Variants in CADPS observed in about 807,000 individuals in gnomAD.
CADPS encodes the protein calcium dependent secretion activator.
A neutral mutation model predicts 167.3 loss-of-function variants in CADPS; 57 were observed. The observed-to-expected ratio is 0.34, with a 90% CI of 0.28 to 0.42. CADPS has a LOEUF of 0.42. Ranked by LOEUF, CADPS falls within the 20% of genes least tolerant of loss-of-function variation. CADPS has a pLI of 1.00. For missense variants in CADPS, 1,414 were observed against 1,738.1 expected (o/e 0.81, Z 3.32); for synonymous variants, 676 against 635.3 (o/e 1.06, Z -0.96).
At chr3:62,670,245 G>A (rs1280267825) in intron 3 of CADPS, among the ~76,000 whole-genome samples, 1 of 152,098 alleles carries the variant, frequency 6.6e-6, no homozygotes, top group African/African-American at 2.4e-5. Context: ...ATTACTGGAA[G>A]AGACTCTGAT....
Position 62,874,886 on chromosome 3 carries a change from C to A in CADPS, c.144G>T (p.Leu48=). 15 of 1,256,434 alleles carry A rather than the reference C, an allele frequency of 1.2e-5. No homozygotes were observed. Among genetic ancestry groups the A allele is most frequent in the Non-Finnish European group, 1.5e-5 (15 of 996,906 alleles). The allele number at this position is 1,256,434 out of a possible 1,614,324, so 77.8% of individuals were successfully genotyped here. ...TSEGSAGSAG[L]GGGGAGAGAG... is the part of the protein sequence containing the mutation. The stretch of plus-strand genomic sequence containing the variant: ...CTCCGGCGCCGGCGCCGCCGCCCCC[C>A]AGCCCGGCGCTGCCGGCCGAGCCCT... The change falls in exon 1 of 30, where the codon CTG becomes CTT. Residue 48 remains leucine, a synonymous_variant. Transcript: ENST00000383710. The surrounding 1 kb of genome is among the most constrained non-coding windows in gnomAD (Gnocchi z 7.1).
chr3:62,787,151 C>T (rs556068333), intron 1 of CADPS, among the ~76,000 whole-genome samples: 28 of 151,944 alleles, frequency 1.8e-4, no homozygotes, highest in Admixed American at 7.2e-4. Context: ...AAAAATTAGC[C>T]GGGCATGGTT....
chr3:62,626,753 T>C (rs2064165030), intron 6 of CADPS, among the ~76,000 whole-genome samples: 1 of 152,138 alleles, frequency 6.6e-6, no homozygotes, highest in Admixed American at 6.5e-5. Flanking sequence ...ATATTTACAA[T>C]CAGACAGAAC....
At position 62,398,493 on chromosome 3, in the gene CADPS, G is replaced by A. The variant is rs1050363957; in HGVS notation, c.*913C>T. On this transcript the variant is annotated 3_prime_UTR_variant, in exon 30 of 30. Coordinates refer to ENST00000383710, the MANE Select transcript of CADPS (RefSeq NM_003716.4). ...CTGCAGCAAACCCCAGGGTTGTGCA[G>A]TTACAGATCAAAATGCAATGTACAT... 1 of 152,634 alleles carries A rather than the reference G, an allele frequency of 6.6e-6. No individual in the cohort carries two copies. The highest frequency in any genetic ancestry group is 2.4e-5 in the African/African-American group (1 of 41,456). 9.5% of individuals were successfully genotyped at this position (152,634 alleles called of 1,614,324 possible).
At chr3:62,526,060 T>A in intron 13 of CADPS, among the ~76,000 whole-genome samples, 1 of 152,144 alleles carries the variant, frequency 6.6e-6, no homozygotes, top group East Asian at 1.9e-4. Flanking sequence ...CAAGGATGGC[T>A]CTTGAGGTTC....
chr3:62,757,525 C>T (rs989854055), intron 2 of CADPS, among the ~76,000 whole-genome samples: 4 of 152,064 alleles, frequency 2.6e-5, no homozygotes, highest in South Asian at 4.1e-4. Context: ...AAATATGGAG[C>T]GAGACTATGT....
chr3:62,576,519 G>A (rs2082293330), intron 8 of CADPS, among the ~76,000 whole-genome samples: 1 of 151,754 alleles, frequency 6.6e-6, no homozygotes, highest in Non-Finnish European at 1.5e-5. Flanking sequence ...CAGTCCTCAC[G>A]GTGGCTCACA....
At chr3:62,534,285 G>A (rs1056618936) in intron 12 of CADPS, among the ~76,000 whole-genome samples, 2 of 152,186 alleles carry the variant, frequency 1.3e-5, no homozygotes, top group African/African-American at 2.4e-5. Flanking sequence ...GGCAAAAAGA[G>A]AAAGTGACTA....
chr3:62,730,514 G>T (rs2077564797), intron 3 of CADPS, among the ~76,000 whole-genome samples: 1 of 152,084 alleles, frequency 6.6e-6, no homozygotes, highest in African/African-American at 2.4e-5. Flanking sequence ...GGAGTGGCAG[G>T]TACACTGCAG....
At chr3:62,819,447 T>TGTGTGTGTG (rs2094794547) in intron 1 of CADPS, among the ~76,000 whole-genome samples, 1 of 149,346 alleles carries the variant, frequency 6.7e-6, no homozygotes, top group Non-Finnish European at 1.5e-5. Flanking sequence ...TGTGTGTGTA[T>TGTGTGTGTG]TACAGTAAAG....
chr3:62,663,658 A>G (rs1387861724), intron 3 of CADPS, among the ~76,000 whole-genome samples: 1 of 151,394 alleles, frequency 6.6e-6, no homozygotes, highest in Non-Finnish European at 1.5e-5. Context: ...GTGAAATGAT[A>G]TAGCAAATAA....
At chr3:62,862,218 T>C (rs1243631277) in intron 1 of CADPS, among the ~76,000 whole-genome samples, 1 of 112,112 alleles carries the variant, frequency 8.9e-6, no homozygotes, top group African/African-American at 3.7e-5. Context: ...AAAACAGTGG[T>C]TTTTTTTTTT....
chr3:62,699,775 A>AC (rs2081052463), intron 3 of CADPS, among the ~76,000 whole-genome samples: 1 of 151,716 alleles, frequency 6.6e-6, no homozygotes, highest in African/African-American at 2.4e-5. Flanking sequence ...TGCTACGTTG[A>AC]CCAGGCTGAT....
intron 11 of CADPS, among the ~76,000 whole-genome samples, chr3:62,540,873 T>C (rs1359683069): frequency 6.6e-6 from 1 of 152,060 alleles, no homozygotes; most frequent in African/African-American, 2.4e-5. Flanking sequence ...AATTGGTTGA[T>C]TAAAGAAAAA....
chr3:62,728,150 C>T (rs961513120), intron 3 of CADPS, among the ~76,000 whole-genome samples: 6 of 151,416 alleles, frequency 4.0e-5, no homozygotes, highest in East Asian at 2.0e-4. Context: ...AAAGTAATTG[C>T]GGTTTTTGCA....
chr3:62,866,268 G>C (rs1049046491), intron 1 of CADPS, among the ~76,000 whole-genome samples: 2 of 152,062 alleles, frequency 1.3e-5, no homozygotes, highest in African/African-American at 2.4e-5. Flanking sequence ...TTCACTCTGA[G>C]AAGCTTTTAT....
chr3:62,763,589 CCA>C (rs898630665), intron 2 of CADPS, among the ~76,000 whole-genome samples: 1 of 152,028 alleles, frequency 6.6e-6, no homozygotes, highest in African/African-American at 2.4e-5. Flanking sequence ...CAATTGGAAC[CCA>C]GAGTTGGGTA....
intron 18 of CADPS, among the ~76,000 whole-genome samples, chr3:62,495,841 A>G (rs1290589514): frequency 6.6e-6 from 1 of 152,244 alleles, no homozygotes; most frequent in Admixed American, 6.5e-5. Context: ...CACTGCTACC[A>G]TATACCGCAT....
At chr3:62,405,457 A>AT (rs1260643174) in intron 28 of CADPS, among the ~76,000 whole-genome samples, 4 of 141,298 alleles carry the variant, frequency 2.8e-5, no homozygotes, top group Admixed American at 7.8e-5. Flanking sequence ...GGAAAAAAAA[A>AT]AAAAAAATAA....
Sources: allele counts gnomAD v4.1 joint callset (sites outside exome capture counted in the v4.1 genomes callset), GRCh38; gene constraint gnomAD v4.1.1; non-coding constraint Gnocchi (gnomAD v3.1); transcripts MANE v1.5; gene names NCBI Gene and HGNC (gene_info 2026-07-23, HGNC 2026-07-21).